The following ALDH2 variants were observed in gnomAD, a reference collection of about 807,000 sequenced individuals.
ALDH2 encodes the protein aldehyde dehydrogenase 2 family member, also known as aldehyde dehydrogenase, mitochondrial.
ALDH2 carries 44 observed loss-of-function variants against 59.6 expected under a neutral mutation model. The observed-to-expected ratio is 0.74, with a 90% confidence interval of 0.58 to 0.95. The LOEUF (loss-of-function observed/expected upper bound fraction) is 0.95, where lower values mean the gene tolerates loss of function less well. Ranked by LOEUF, ALDH2 falls within the 40% of genes least tolerant of loss-of-function variation. The pLI is 0.00. For synonymous variants in ALDH2, 291 were observed against 284.0 expected (o/e 1.02, Z -0.25); for missense variants, 570 against 696.3 (o/e 0.82, Z 2.04).
intron 1 of ALDH2, among the ~76,000 whole-genome samples, chr12:111,773,623 G>C (rs1392623713): frequency 1.3e-5 from 2 of 152,196 alleles, no homozygotes; most frequent in Non-Finnish European, 2.9e-5. Context: ...GGGCATGTGT[G>C]TGAAGGTTGG....
chr12:111,781,778 C>G, intron 1 of ALDH2, 140 bp from the exon 2 acceptor site: 1 of 626,628 alleles, frequency 1.6e-6, no homozygotes. Context: ...TCTGCAAGGC[C>G]TGTGCTTTTC....
intron 11 of ALDH2, among the ~76,000 whole-genome samples, chr12:111,800,803 C>A (rs2068445788): frequency 6.6e-6 from 1 of 152,188 alleles, no homozygotes; most frequent in Non-Finnish European, 1.5e-5. Context: ...TATGACCCAG[C>A]AATTCCACTC....
rs983677742 is a variant in ALDH2, at chr12:111,783,291, A to T, written c.353A>T (p.Tyr118Phe). 2 of 1,605,358 alleles carry T rather than the reference A, an allele frequency of 1.2e-6. No homozygotes were observed. The change falls in exon 3 of 13, where the codon TAC (tyrosine) becomes TTC (phenylalanine). Residue 118 changes from tyrosine to phenylalanine, a missense_variant. Physicochemically the swap from Tyr to Phe is conservative, Grantham distance 22. Transcript: ENST00000261733. ...GATCTGATCGAGCGGGACCGGACCT[A>T]CCTGGCGGTGAGTCCTCAGCCCTTC... The part of the protein sequence containing the change: ...LADLIERDRT[Y>F]LAALETLDNG...
chr12:111,779,821 T>C (rs961304623), intron 1 of ALDH2, among the ~76,000 whole-genome samples: 1 of 152,290 alleles, frequency 6.6e-6, no homozygotes, highest in East Asian at 1.9e-4. Flanking sequence ...GGAGATGTCT[T>C]CTCTGCACTC....
intron 1 of ALDH2, among the ~76,000 whole-genome samples, chr12:111,773,791 C>T (rs1460767828): frequency 6.6e-6 from 1 of 152,196 alleles, no homozygotes; most frequent in Non-Finnish European, 1.5e-5. Context: ...TTGTATTGTT[C>T]ACTTTTGCAT....
Position 111,787,474 on chromosome 12 carries a change from TG to T in ALDH2, c.440+2130del, listed in dbSNP as rs2068318972. Among the ~76,000 whole-genome samples, 5 of 152,304 alleles carry T rather than the reference TG, an allele frequency of 3.3e-5. No homozygotes were observed. In the South Asian group the frequency reaches 1.0e-3, roughly 32 times the overall value. On this transcript the variant is annotated intron_variant, in intron 4 of 12. Coordinates refer to ENST00000261733, the MANE Select transcript of ALDH2 (RefSeq NM_000690.4). The stretch of plus-strand genomic sequence containing the variant: ...TTCCTGAGGGAGGACCCTGAGTGGC[TG>T]GCCTTGGTTCTGGCCAGCTGTGGCC...
chr12:111,773,001 G>A (rs1213463840), intron 1 of ALDH2, among the ~76,000 whole-genome samples: 1 of 151,192 alleles, frequency 6.6e-6, no homozygotes, highest in Non-Finnish European at 1.5e-5. Flanking sequence ...GCTCATGCCT[G>A]TAATCCCAGC....
chr12:111,779,767 T>C (rs2068258641), intron 1 of ALDH2, among the ~76,000 whole-genome samples: 1 of 152,214 alleles, frequency 6.6e-6, no homozygotes, highest in Admixed American at 6.5e-5. Flanking sequence ...CCATGGACCC[T>C]GCCAGGACAC....
chr12:111,769,968 AC>A (rs2068187244), intron 1 of ALDH2, among the ~76,000 whole-genome samples: 1 of 151,906 alleles, frequency 6.6e-6, no homozygotes, highest in Non-Finnish European at 1.5e-5. Flanking sequence ...ACATAGTGAA[AC>A]CCTGTCTCTA....
At chr12:111,785,486 G>T in intron 4 of ALDH2, 140 bp downstream of exon 4, 1 of 709,908 alleles carries the variant, frequency 1.4e-6, no homozygotes. Context: ...CACTTTGGGA[G>T]GCTGAGCCAG....
In ALDH2 at chr12:111,789,986, C is replaced by G. The variant is rs748886318; in HGVS notation, c.552+52C>G. ...TCAGGGTGCCCTGAGATTTGGCAGT[C>G]TGCCAGACTCATTGCAGAGGTTCTG... On this transcript the variant is annotated intron_variant, in intron 5 of 12. Transcript: ENST00000261733. 8 of 1,548,340 alleles carry G rather than the reference C, an allele frequency of 5.2e-6. No individual in the cohort carries two copies. In the East Asian group the frequency reaches 1.8e-4, roughly 35 times the overall value.
intron 9 of ALDH2, among the ~76,000 whole-genome samples, chr12:111,795,064 A>G (rs73205606): frequency 5.3e-5 from 8 of 152,270 alleles, no homozygotes; most frequent in Non-Finnish European, 1.0e-4. Context: ...TGGACATTTT[A>G]TGCAAATGGA....
chr12:111,782,470 A>G (rs2068279283), intron 2 of ALDH2, among the ~76,000 whole-genome samples: 1 of 152,278 alleles, frequency 6.6e-6, no homozygotes, highest in East Asian at 1.9e-4. Context: ...CTGTAATCCC[A>G]GCACTTTGGG....
chr12:111,787,758 G>A (rs1222458857), intron 4 of ALDH2, among the ~76,000 whole-genome samples: 3 of 152,100 alleles, frequency 2.0e-5, no homozygotes, highest in African/African-American at 4.8e-5. Context: ...TAGGCTGTGC[G>A]CGGTGGCTCA....
At chr12:111,782,536 C>T (rs1256697143) in intron 2 of ALDH2, among the ~76,000 whole-genome samples, 1 of 151,394 alleles carries the variant, frequency 6.6e-6, no homozygotes, top group Non-Finnish European at 1.5e-5. Context: ...CCCGGGGAAA[C>T]ATAGTGAGAT....
rs2068422498 is a variant in ALDH2, at chr12:111,798,299, G to A, written c.1248+57G>A. 4.7e-6 allele frequency: 7 copies of A among 1,499,200 alleles called. No individual in the cohort carries two copies. In the South Asian group the frequency reaches 9.5e-5, roughly 20 times the overall value. 92.9% of individuals were successfully genotyped at this position (1,499,200 alleles called of 1,614,324 possible). On this transcript the variant is annotated intron_variant, in intron 10 of 12. Transcript: ENST00000261733. ...TTCTTGGCGGGAGGTGAGGTAAACA[G>A]TTCAGCCTGGCATCCTGATGCTGTC...
chr12:111,778,566 C>G (rs1052366003), intron 1 of ALDH2, among the ~76,000 whole-genome samples: 31 of 148,710 alleles, frequency 2.1e-4, no homozygotes, highest in African/African-American at 7.2e-4. Flanking sequence ...AAAAAAAAAC[C>G]CTCACACCTG....
chr12:111,797,516 A>G (rs1437207893), intron 9 of ALDH2, among the ~76,000 whole-genome samples: 1 of 151,998 alleles, frequency 6.6e-6, no homozygotes, highest in Non-Finnish European at 1.5e-5. Flanking sequence ...TGGGAGGATC[A>G]TTTGAGCATG....
At chr12:111,790,037 T>G in intron 5 of ALDH2, 103 bp downstream of exon 5, 1 of 1,090,732 alleles carries the variant, frequency 9.2e-7, no homozygotes, top group Non-Finnish European at 1.3e-6. Flanking sequence ...GCAGCCTGGG[T>G]GGCAGGTAAG....
Sources: gnomAD v4.1 joint callset for allele counts (sites outside exome capture counted in the v4.1 genomes callset) on GRCh38, gnomAD v4.1.1 for gene constraint, MANE v1.5 for transcripts, NCBI Gene and HGNC (gene_info 2026-07-23, HGNC 2026-07-21) for gene names.